The following KCND2 variants were observed in gnomAD, a reference collection of about 807,000 sequenced individuals.
KCND2 encodes the protein potassium voltage-gated channel subfamily D member 2, also known as A-type voltage-gated potassium channel KCND2.
In KCND2, 16 loss-of-function variants were observed where a neutral mutation model predicts 54.4. That is an observed-to-expected ratio of 0.29 (90% CI 0.20 to 0.45). The LOEUF is 0.45. Ranked by LOEUF, KCND2 falls within the 20% of genes least tolerant of loss-of-function variation. The pLI, the probability that KCND2 is intolerant of heterozygous loss-of-function variation, is 1.00. For synonymous variants in KCND2, 317 were observed against 310.7 expected (o/e 1.02, Z -0.21); for missense variants, 486 against 824.2 (o/e 0.59, Z 5.02).
intron 1 of KCND2, among the ~76,000 whole-genome samples, chr7:120,335,199 C>T (rs1430136759): frequency 6.6e-6 from 1 of 151,750 alleles, no homozygotes; most frequent in Non-Finnish European, 1.5e-5. Context: ...CCCGTCTCTA[C>T]TAAAAATACA....
intron 1 of KCND2, among the ~76,000 whole-genome samples, chr7:120,568,880 CA>C (rs1278756110): frequency 2.0e-5 from 3 of 152,016 alleles, no homozygotes; most frequent in Non-Finnish European, 4.4e-5. Flanking sequence ...TTCATAAGGG[CA>C]GGGGCATATC....
chr7:120,739,706 C>T (rs113844151), intron 2 of KCND2, among the ~76,000 whole-genome samples: 1 of 151,872 alleles, frequency 6.6e-6, no homozygotes, highest in African/African-American at 2.4e-5. Context: ...TTGAGAGCTT[C>T]ACACATCTCA....
intron 1 of KCND2, among the ~76,000 whole-genome samples, chr7:120,358,304 C>A (rs1800537837): frequency 6.6e-6 from 1 of 152,088 alleles, no homozygotes; most frequent in Non-Finnish European, 1.5e-5. Flanking sequence ...AATTATTTTT[C>A]TCTCTCCTTT....
At chr7:120,575,089 GTA>G (rs1792412049) in intron 1 of KCND2, among the ~76,000 whole-genome samples, 1 of 151,984 alleles carries the variant, frequency 6.6e-6, no homozygotes. Flanking sequence ...GTATCTAATA[GTA>G]TCTAATAGAT....
intron 1 of KCND2, among the ~76,000 whole-genome samples, chr7:120,729,557 C>A (rs565484065): frequency 1.7e-4 from 26 of 152,188 alleles, no homozygotes; most frequent in Non-Finnish European, 3.1e-4. Flanking sequence ...TCCTTGTATT[C>A]TCTTACCATC....
intron 1 of KCND2, among the ~76,000 whole-genome samples, chr7:120,502,537 C>T (rs1413143657): frequency 6.6e-6 from 1 of 152,026 alleles, no homozygotes; most frequent in Non-Finnish European, 1.5e-5. Flanking sequence ...TTGCTTACTC[C>T]TTCAGCAACA....
intron 1 of KCND2, among the ~76,000 whole-genome samples, chr7:120,399,747 A>G (rs1217903438): frequency 6.7e-6 from 1 of 149,004 alleles, no homozygotes; most frequent in Non-Finnish European, 1.5e-5. Flanking sequence ...TTCATTTGAA[A>G]CAGAATCTCC....
At chr7:120,590,283 G>T (rs1208063064) in intron 1 of KCND2, among the ~76,000 whole-genome samples, 2 of 152,138 alleles carry the variant, frequency 1.3e-5, no homozygotes, top group East Asian at 3.9e-4. Context: ...TTCCCAAAGT[G>T]CTGGGATACA....
intron 1 of KCND2, among the ~76,000 whole-genome samples, chr7:120,310,841 C>G (rs1355331181): frequency 6.7e-6 from 1 of 150,286 alleles, no homozygotes; most frequent in Non-Finnish European, 1.5e-5. Context: ...GAAGCTGAGG[C>G]ACAGGAATCA....
chr7:120,655,078 G>C (rs769145038), intron 1 of KCND2, among the ~76,000 whole-genome samples: 5 of 151,234 alleles, frequency 3.3e-5, no homozygotes, highest in Non-Finnish European at 7.4e-5. Flanking sequence ...TAATTGTCTT[G>C]GTGGAAAGGA....
At chr7:120,276,308 A>G (rs1232334776) in intron 1 of KCND2, among the ~76,000 whole-genome samples, 1 of 152,186 alleles carries the variant, frequency 6.6e-6, no homozygotes, top group African/African-American at 2.4e-5. Context: ...ATATGTATGC[A>G]CTTTAATTAT....
intron 1 of KCND2, among the ~76,000 whole-genome samples, chr7:120,500,008 GA>G (rs923046282): frequency 7.9e-5 from 12 of 151,718 alleles, no homozygotes; most frequent in Middle Eastern, 3.4e-3. Flanking sequence ...ATGCAAAAGA[GA>G]AAAAAAAGAA....
intron 1 of KCND2, among the ~76,000 whole-genome samples, chr7:120,389,607 G>A (rs1202745538): frequency 2.6e-5 from 4 of 151,548 alleles, no homozygotes; most frequent in African/African-American, 4.8e-5. Flanking sequence ...TGGTTTGTTT[G>A]TTTGTTTGTT....
At chr7:120,569,615 T>C (rs962613237) in intron 1 of KCND2, among the ~76,000 whole-genome samples, 2 of 152,066 alleles carry the variant, frequency 1.3e-5, no homozygotes, top group Non-Finnish European at 2.9e-5. Context: ...TTTGGATCAA[T>C]AAATACAAAA....
At chr7:120,626,413 AT>A (rs1201265869) in intron 1 of KCND2, among the ~76,000 whole-genome samples, 1 of 152,156 alleles carries the variant, frequency 6.6e-6, no homozygotes, top group East Asian at 1.9e-4. Context: ...TCGAGTATGT[AT>A]TTCTAATGAA....
intron 1 of KCND2, among the ~76,000 whole-genome samples, chr7:120,676,286 T>C (rs1792059876): frequency 6.6e-6 from 1 of 152,216 alleles, no homozygotes; most frequent in Admixed American, 6.5e-5. Flanking sequence ...ATCTTTTTTT[T>C]TAAATGCTTC....
At chr7:120,745,462 G>T (rs749897310) in intron 4 of KCND2, among the ~76,000 whole-genome samples, 2 of 147,910 alleles carry the variant, frequency 1.4e-5, no homozygotes, top group South Asian at 4.3e-4. Context: ...CATTTTTTAG[G>T]TTTTTTTTTT....
intron 1 of KCND2, among the ~76,000 whole-genome samples, chr7:120,660,002 C>T (rs1791847124): frequency 6.6e-6 from 1 of 152,100 alleles, no homozygotes; most frequent in South Asian, 2.1e-4. Context: ...TACTCATCAC[C>T]TCTGACGACA....
At position 120,634,969 on chromosome 7, in the gene KCND2, G is replaced by A. The variant is rs536116814; in HGVS notation, c.1116-97934G>A. 3.3e-5 allele frequency among the ~76,000 whole-genome samples: 5 copies of A among 152,212 alleles called. No individual in the cohort carries two copies. In the South Asian group the frequency reaches 6.2e-4, roughly 19 times the overall value. On this transcript the variant is annotated intron_variant, in intron 1 of 5. Coordinates refer to ENST00000331113, the MANE Select transcript of KCND2 (RefSeq NM_012281.3). Reference sequence around the variant, plus strand: ...CTCAGCTACATCATGCTGTTCCCCTGTCCTGGGATATTCTGTCTTCCCTTG... The same window carrying A: ...CTCAGCTACATCATGCTGTTCCCCTATCCTGGGATATTCTGTCTTCCCTTG...
Sources: allele counts gnomAD v4.1 joint callset (sites outside exome capture counted in the v4.1 genomes callset), GRCh38; gene constraint gnomAD v4.1.1; transcripts MANE v1.5; gene names NCBI Gene and HGNC (gene_info 2026-07-23, HGNC 2026-07-21).